Variants in DTNB observed in about 807,000 individuals in gnomAD.
DTNB encodes DTN-B.
A neutral mutation model predicts 90.7 loss-of-function variants in DTNB; 63 were observed. The ratio of observed to expected loss-of-function variants is 0.69; its 90% CI spans 0.57 to 0.86. DTNB has a LOEUF of 0.86. DTNB is among the 40% of genes least tolerant of loss of function. The pLI is 0.00. For synonymous variants in DTNB, 277 were observed against 286.7 expected (o/e 0.97, Z 0.34); for missense variants, 744 against 807.1 (o/e 0.92, Z 0.95).
intron 16 of DTNB, among the ~76,000 whole-genome samples, chr2:25,415,289 C>G (rs2047624823): frequency 7.0e-6 from 1 of 143,352 alleles, no homozygotes; most frequent in Admixed American, 7.2e-5. Flanking sequence ...CTCCGTTGCT[C>G]AGGCTGGAGT....
chr2:25,463,381 CTTCTTAGGAG>C (rs2061310576), intron 10 of DTNB, among the ~76,000 whole-genome samples: 1 of 152,208 alleles, frequency 6.6e-6, no homozygotes, highest in Admixed American at 6.5e-5. Context: ...TCCTGAGCAA[CTTCTTAGGAG>C]TTCTCGCTTA....
At chr2:25,553,026 A>T (rs2056639101) in intron 8 of DTNB, among the ~76,000 whole-genome samples, 1 of 149,586 alleles carries the variant, frequency 6.7e-6, no homozygotes, top group Non-Finnish European at 1.5e-5. Context: ...ACGCCCGGCT[A>T]ATTTTTTGTA....
intron 6 of DTNB, among the ~76,000 whole-genome samples, chr2:25,591,615 T>C (rs112756616): frequency 0.034 from 5,156 of 152,282 alleles, 288 homozygotes; most frequent in African/African-American, 0.11. Context: ...AGAATGTTAA[T>C]ATATCTGGGC....
At chr2:25,381,054 T>A (rs1184961195) in intron 19 of DTNB, among the ~76,000 whole-genome samples, 2 of 151,146 alleles carry the variant, frequency 1.3e-5, no homozygotes, top group Non-Finnish European at 3.0e-5. Context: ...TTTGGTGGAG[T>A]GAAAAGGACT....
chr2:25,471,423 C>A (rs556568241), intron 10 of DTNB, among the ~76,000 whole-genome samples: 2 of 150,086 alleles, frequency 1.3e-5, no homozygotes, highest in African/African-American at 4.9e-5. Context: ...GAGTCTCACT[C>A]ACTCTGTTGC....
chr2:25,582,838 G>A (rs1291752772), intron 6 of DTNB, among the ~76,000 whole-genome samples: 4 of 152,140 alleles, frequency 2.6e-5, no homozygotes, highest in African/African-American at 9.7e-5. Context: ...GATCTGGGAG[G>A]AACCAGTGAA....
At chr2:25,560,925 T>C (rs1420764500) in intron 8 of DTNB, among the ~76,000 whole-genome samples, 2 of 152,142 alleles carry the variant, frequency 1.3e-5, no homozygotes, top group Admixed American at 6.5e-5. Context: ...TTAATACATA[T>C]GTCCTCTCTG....
At chr2:25,483,394 G>A (rs1466117699) in intron 9 of DTNB, among the ~76,000 whole-genome samples, 1 of 152,126 alleles carries the variant, frequency 6.6e-6, no homozygotes, top group Non-Finnish European at 1.5e-5. Flanking sequence ...CTCAGACTTA[G>A]TTTGTAAACT....
chr2:25,414,040 G>A (rs555073397), intron 16 of DTNB, among the ~76,000 whole-genome samples: 1 of 152,304 alleles, frequency 6.6e-6, no homozygotes, highest in Non-Finnish European at 1.5e-5. Context: ...GTGATGACGA[G>A]CATTTTTTCA....
chr2:25,444,248 A>G (rs999232099), intron 12 of DTNB, among the ~76,000 whole-genome samples: 1 of 152,082 alleles, frequency 6.6e-6, no homozygotes, highest in Non-Finnish European at 1.5e-5. Flanking sequence ...GGAATTTAGG[A>G]CCGGGCGCGG....
chr2:25,628,925 T>A (rs1293998235), intron 3 of DTNB, among the ~76,000 whole-genome samples: 1 of 152,220 alleles, frequency 6.6e-6, no homozygotes, highest in Non-Finnish European at 1.5e-5. Context: ...CTACTGCATA[T>A]TTCCTCCATT....
intron 19 of DTNB, among the ~76,000 whole-genome samples, chr2:25,382,294 A>G (rs912474353): frequency 6.6e-5 from 10 of 152,158 alleles, no homozygotes; most frequent in Admixed American, 3.9e-4. Flanking sequence ...TTGACCTCCT[A>G]CTAAGCACCA....
intron 4 of DTNB, among the ~76,000 whole-genome samples, chr2:25,611,672 T>G (rs1031286336): frequency 1.4e-4 from 21 of 152,108 alleles, no homozygotes; most frequent in African/African-American, 5.1e-4. Context: ...TAGGATCCTA[T>G]CGACTTCTAA....
intron 2 of DTNB, among the ~76,000 whole-genome samples, chr2:25,649,473 G>C (rs2080347249): frequency 1.3e-5 from 2 of 152,170 alleles, no homozygotes; most frequent in Non-Finnish European, 2.9e-5. Flanking sequence ...CCAGCGTTTT[G>C]GGAGGTAGAG....
intron 2 of DTNB, among the ~76,000 whole-genome samples, chr2:25,648,993 C>CTTTTTTTTTTTTT (rs60749102): frequency 1.1e-5 from 1 of 93,988 alleles, no homozygotes; most frequent in African/African-American, 4.3e-5. Flanking sequence ...TCCTTCCTAC[C>CTTTTTTTTTTTTT]TTTTTTTTTT....
At chr2:25,567,784 A>C (rs1003438552) in intron 8 of DTNB, among the ~76,000 whole-genome samples, 2 of 152,220 alleles carry the variant, frequency 1.3e-5, no homozygotes, top group African/African-American at 4.8e-5. Context: ...TATCTTGGTA[A>C]AGTGAAACCA....
chr2:25,437,427 A>G (rs1439538783), intron 12 of DTNB, among the ~76,000 whole-genome samples: 3 of 151,952 alleles, frequency 2.0e-5, no homozygotes, highest in Non-Finnish European at 2.9e-5. Flanking sequence ...ATGCCTGGCT[A>G]ATTTTTGTGT....
At chr2:25,455,890 C>T (rs899089517) in intron 10 of DTNB, among the ~76,000 whole-genome samples, 9 of 152,350 alleles carry the variant, frequency 5.9e-5, no homozygotes, top group Admixed American at 5.2e-4. Context: ...ACATGACCCC[C>T]TAGCGCTATG....
chr2:25,483,879 A>ATGT (rs1199964411), intron 9 of DTNB, among the ~76,000 whole-genome samples: 7 of 152,240 alleles, frequency 4.6e-5, no homozygotes, highest in African/African-American at 1.7e-4. Context: ...CAAACCACAT[A>ATGT]CATTATAACA....
Sources: gnomAD v4.1 joint callset for allele counts (sites outside exome capture counted in the v4.1 genomes callset) on GRCh38, gnomAD v4.1.1 for gene constraint, MANE v1.5 for transcripts, NCBI Gene and HGNC (gene_info 2026-07-23, HGNC 2026-07-21) for gene names.